PRTFDC1: variants seen among roughly 807,000 people sequenced by gnomAD.
The protein encoded by PRTFDC1 is phosphoribosyltransferase domain-containing protein 1.
PRTFDC1 carries 38 observed loss-of-function variants against 34.6 expected under a neutral mutation model. The ratio of observed to expected loss-of-function variants is 1.10; its 90% confidence interval spans 0.85 to 1.44. The LOEUF (loss-of-function observed/expected upper bound fraction) is 1.44. PRTFDC1 is among the 40% of genes most tolerant of loss of function. PRTFDC1 has a pLI of 0.00. For synonymous variants in PRTFDC1, 93 were observed against 98.1 expected (o/e 0.95, Z 0.31); for missense variants, 270 against 283.0 (o/e 0.95, Z 0.33).
intron 3 of PRTFDC1, among the ~76,000 whole-genome samples, chr10:24,916,002 A>T (rs573880573): frequency 6.6e-6 from 1 of 152,084 alleles, no homozygotes; most frequent in African/African-American, 2.4e-5. Flanking sequence ...TAGGAGGAAA[A>T]ATATTCCAAA....
intron 3 of PRTFDC1, among the ~76,000 whole-genome samples, chr10:24,934,247 GGAGAAGAAGAAGA>G (rs1564317712): frequency 0.011 from 1,118 of 106,080 alleles, 11 homozygotes; most frequent in African/African-American, 0.033. Context: ...AGAAGAAGAA[GGAGAAGAAGAAGA>G]AGAAGAAGAA....
chr10:24,904,021 G>A lies in PRTFDC1; in HGVS notation c.340-31958C>T, dbSNP rs1454054775. ...TATTCTAAGAACTGTATTTGAAGAG[G>A]GTCACTGAGAAAAAAAGTATCACTT... On this transcript the variant is annotated intron_variant, in intron 3 of 8. Coordinates refer to ENST00000320152, the MANE Select transcript of PRTFDC1 (RefSeq NM_020200.7). Among the ~76,000 whole-genome samples, 3 of 151,766 alleles carry A rather than the reference G, an allele frequency of 2.0e-5. No individual in the cohort carries two copies. The East Asian group carries it at 5.8e-4, about 29-fold the overall frequency.
chr10:24,931,491 G>C (rs1255455001), intron 3 of PRTFDC1, among the ~76,000 whole-genome samples: 1 of 151,896 alleles, frequency 6.6e-6, no homozygotes, highest in Admixed American at 6.6e-5. Context: ...AGGCATACTG[G>C]TGAAGAAAAG....
chr10:24,857,090 T>A, intron 5 of PRTFDC1, 95 bp from the exon 6 acceptor site: 1 of 1,049,368 alleles, frequency 9.5e-7, no homozygotes, highest in Non-Finnish European at 1.5e-6. Flanking sequence ...TAATGCATCG[T>A]AATTAAAAAT....
chr10:24,949,956 A>T (rs1849314209), intron 1 of PRTFDC1, among the ~76,000 whole-genome samples: 1 of 150,404 alleles, frequency 6.6e-6, no homozygotes, highest in Admixed American at 6.6e-5. Flanking sequence ...ATTCTATTGA[A>T]CTCCTGACCT....
At chr10:24,878,881 G>T (rs746196452) in intron 3 of PRTFDC1, among the ~76,000 whole-genome samples, 2 of 152,102 alleles carry the variant, frequency 1.3e-5, no homozygotes, top group Non-Finnish European at 2.9e-5. Flanking sequence ...CTACACAAAG[G>T]CTGTCTCAAT....
intron 3 of PRTFDC1, among the ~76,000 whole-genome samples, chr10:24,921,474 G>A (rs1161074209): frequency 2.0e-5 from 3 of 152,098 alleles, no homozygotes; most frequent in African/African-American, 7.2e-5. Context: ...ATGATCACAT[G>A]CTAACCAACA....
chr10:24,937,435 T>G, intron 2 of PRTFDC1, 68 bp from the exon 3 acceptor site: 1 of 1,398,612 alleles, frequency 7.1e-7, no homozygotes, highest in African/African-American at 1.4e-5. Context: ...TTTAATGAAA[T>G]GCAAGATGTA....
chr10:24,886,634 C>T (rs978405406), intron 3 of PRTFDC1, among the ~76,000 whole-genome samples: 15 of 152,246 alleles, frequency 9.9e-5, no homozygotes, highest in Middle Eastern at 3.4e-3. Flanking sequence ...CCCTTACATT[C>T]GGGGTCTCAT....
intron 3 of PRTFDC1, among the ~76,000 whole-genome samples, chr10:24,890,777 G>A (rs748256247): frequency 1.3e-5 from 2 of 152,174 alleles, no homozygotes; most frequent in Non-Finnish European, 2.9e-5. Flanking sequence ...GTTCAGGGTC[G>A]CCTGCCTCTG....
At chr10:24,898,937 C>A (rs1848410580) in intron 3 of PRTFDC1, among the ~76,000 whole-genome samples, 1 of 150,512 alleles carries the variant, frequency 6.6e-6, no homozygotes, top group Non-Finnish European at 1.5e-5. Context: ...CCCCAGAATG[C>A]TTGTCTTTCT....
rs111519694 is a variant in PRTFDC1 at position 24,895,501 on chromosome 10, T to C, written c.340-23438A>G. 5.3e-3 allele frequency among the ~76,000 whole-genome samples: 796 copies of C among 151,196 alleles called. 6 individuals carry two copies. The highest frequency in any genetic ancestry group is 0.018 in the African/African-American group (739 of 41,222). On this transcript the variant is annotated intron_variant, in intron 3 of 8. Transcript: ENST00000320152. ...CCTGACCTCAGGTGATCCACCTGCC[T>C]TGGCCTCCCAAAGTGCTGAGATTAC...
intron 3 of PRTFDC1, among the ~76,000 whole-genome samples, chr10:24,923,835 C>A (rs193243271): frequency 6.6e-6 from 1 of 152,002 alleles, no homozygotes; most frequent in South Asian, 2.1e-4. Context: ...TTCAGAAGGT[C>A]GGTAATAACA....
chr10:24,859,609 T>C (rs769729232), intron 4 of PRTFDC1, among the ~76,000 whole-genome samples: 16 of 152,212 alleles, frequency 1.1e-4, no homozygotes, highest in Non-Finnish European at 1.2e-4. Context: ...GCCAGCACCA[T>C]GCTTCCTATA....
intron 3 of PRTFDC1, among the ~76,000 whole-genome samples, chr10:24,886,407 G>A (rs1848164437): frequency 1.3e-5 from 2 of 152,188 alleles, no homozygotes; most frequent in South Asian, 4.1e-4. Context: ...TGATGTTGCT[G>A]GAGCCAGGCT....
At chr10:24,890,055 C>T (rs1278959235) in intron 3 of PRTFDC1, among the ~76,000 whole-genome samples, 3 of 152,180 alleles carry the variant, frequency 2.0e-5, no homozygotes, top group African/African-American at 7.2e-5. Flanking sequence ...TAAATGTATC[C>T]TCTAATAAAT....
intron 3 of PRTFDC1, among the ~76,000 whole-genome samples, chr10:24,875,846 GTTTTTTTTTT>G (rs61379088): frequency 1.0e-5 from 1 of 96,732 alleles, no homozygotes; most frequent in East Asian, 3.0e-4. Flanking sequence ...AATTCTCATA[GTTTTTTTTTT>G]TTTTTTTTTT....
intron 3 of PRTFDC1, among the ~76,000 whole-genome samples, chr10:24,886,584 G>T (rs1001433910): frequency 1.4e-4 from 22 of 152,144 alleles, no homozygotes; most frequent in African/African-American, 4.8e-4. Context: ...TGTATGTGTG[G>T]GGTGGGGCCT....
At chr10:24,943,544 CT>C (rs5783911) in intron 1 of PRTFDC1, among the ~76,000 whole-genome samples, 91,336 of 137,800 alleles carry the variant, frequency 0.66, 30,064 homozygotes, top group East Asian at 0.94. Flanking sequence ...GTTTCCCATT[CT>C]TTTTTTTTTT....
Sources: gnomAD v4.1 joint callset for allele counts (sites outside exome capture counted in the v4.1 genomes callset) on GRCh38, gnomAD v4.1.1 for gene constraint, MANE v1.5 for transcripts, NCBI Gene and HGNC (gene_info 2026-07-23, HGNC 2026-07-21) for gene names.